The following PCSK2 variants were observed in gnomAD, a reference collection of about 807,000 sequenced individuals.
The protein encoded by PCSK2 is neuroendocrine convertase 2.
A neutral mutation model predicts 69.7 loss-of-function variants in PCSK2; 14 were observed. That is an observed-to-expected ratio of 0.20 (90% CI 0.13 to 0.31). PCSK2 has a LOEUF of 0.31. PCSK2 is among the 10% of genes least tolerant of loss of function. The probability of loss-of-function intolerance (pLI) is 1.00; values close to 1 mark genes in which losing one functional copy is unlikely to be tolerated. For missense variants in PCSK2, 544 were observed against 842.5 expected, an observed-to-expected ratio of 0.65 and a Z score of 4.39; for synonymous variants, 307 against 320.7, an observed-to-expected ratio of 0.96 and a Z score of 0.46.
chr20:17,430,390 TG>T (rs1394575460), intron 7 of PCSK2, among the ~76,000 whole-genome samples: 1 of 152,234 alleles, frequency 6.6e-6, no homozygotes, highest in African/African-American at 2.4e-5. Context: ...TTTTCTTTTT[TG>T]TTTACAACTG....
chr20:17,464,912 T>G, intron 10 of PCSK2: 1 of 258,950 alleles, frequency 3.9e-6, no homozygotes. Context: ...GGAAAAGAAT[T>G]TCCAGGCCAT....
At chr20:17,388,278 G>A (rs748965090) in intron 5 of PCSK2, among the ~76,000 whole-genome samples, 1 of 152,106 alleles carries the variant, frequency 6.6e-6, no homozygotes, top group African/African-American at 2.4e-5. Context: ...CAGGGAGGGG[G>A]AATAACATGC....
chr20:17,383,035 G>T (rs145997653), intron 5 of PCSK2, among the ~76,000 whole-genome samples: 91 of 152,260 alleles, frequency 6.0e-4, no homozygotes, highest in Non-Finnish European at 1.2e-3. Flanking sequence ...TAGAATGTCA[G>T]CCCCAGGAGG....
At position 17,246,516 on chromosome 20, in the gene PCSK2, G is replaced by A. The variant is rs78053606; in HGVS notation, c.178-13724G>A. Among the ~76,000 whole-genome samples the A allele has an allele frequency of 4.2e-3, 642 of 152,048 alleles. 3 individuals carry two copies. Among genetic ancestry groups the A allele is most frequent in the Admixed American group, 8.8e-3 (135 of 15,268 alleles). On this transcript the variant is annotated intron_variant, in intron 1 of 11. Transcript: ENST00000262545. Reference sequence around the variant, plus strand: ...AAAAAGGAGAATGTAAGTCACAAACGTAAAAAGGAGAATGTAAAAGTATGA... The same window carrying A: ...AAAAAGGAGAATGTAAGTCACAAACATAAAAAGGAGAATGTAAAAGTATGA...
chr20:17,379,996 G>C (rs1247042103), intron 5 of PCSK2, among the ~76,000 whole-genome samples: 1 of 152,168 alleles, frequency 6.6e-6, no homozygotes, highest in Admixed American at 6.5e-5. Context: ...CTCCCTGGGA[G>C]CTGAGGCCTC....
rs1292998312 is a variant in PCSK2 at position 17,402,834 on chromosome 20, G to A, written c.544-6429G>A. ...TAGCCAGGCGTGGTGGTGGGCTCCT[G>A]TAGTCCCAGCTACTCGGGAGGCTGA... On this transcript the variant is annotated intron_variant, in intron 5 of 11. Coordinates refer to ENST00000262545, the MANE Select transcript of PCSK2 (RefSeq NM_002594.5). Among the ~76,000 whole-genome samples, 9 of 152,196 alleles carry A rather than the reference G, an allele frequency of 5.9e-5. No homozygotes were observed. The East Asian group carries it at 1.7e-3, about 29-fold the overall frequency.
At chr20:17,287,431 C>CTGTGGGTGTGTGTG (rs1988552352) in intron 2 of PCSK2, among the ~76,000 whole-genome samples, 1 of 145,928 alleles carries the variant, frequency 6.9e-6, no homozygotes, top group African/African-American at 2.5e-5. Context: ...ATGTGCGTGT[C>CTGTGGGTGTGTGTG]TGTGTGTGTG....
chr20:17,364,691 A>G (rs2030532117), intron 4 of PCSK2, among the ~76,000 whole-genome samples: 1 of 151,988 alleles, frequency 6.6e-6, no homozygotes, highest in African/African-American at 2.4e-5. Context: ...ACCATATCCA[A>G]CCCCAACACT....
chr20:17,287,384 A>G (rs1329307567), intron 2 of PCSK2, among the ~76,000 whole-genome samples: 1 of 149,794 alleles, frequency 6.7e-6, no homozygotes, highest in Non-Finnish European at 1.5e-5. Flanking sequence ...ATATTTATTC[A>G]TGAGGTCGGG....
chr20:17,396,017 C>G (rs557700637), intron 5 of PCSK2, among the ~76,000 whole-genome samples: 2 of 152,278 alleles, frequency 1.3e-5, no homozygotes, highest in African/African-American at 4.8e-5. Flanking sequence ...CATTCAAAGG[C>G]AAGCAGAACT....
chr20:17,342,699 T>C (rs1257946796), intron 2 of PCSK2, among the ~76,000 whole-genome samples: 2 of 152,014 alleles, frequency 1.3e-5, no homozygotes, highest in East Asian at 3.9e-4. Flanking sequence ...AGTGGCACGA[T>C]CATGGCTCAC....
chr20:17,449,491 C>A (rs1458068054), intron 8 of PCSK2, among the ~76,000 whole-genome samples: 2 of 85,230 alleles, frequency 2.3e-5, no homozygotes, highest in Non-Finnish European at 5.5e-5. Flanking sequence ...GATAATGTTA[C>A]ATATATATAA....
At chr20:17,348,126 AAAAG>A (rs1482400207) in intron 2 of PCSK2, among the ~76,000 whole-genome samples, 29 of 152,096 alleles carry the variant, frequency 1.9e-4, no homozygotes, top group African/African-American at 5.1e-4. Flanking sequence ...AGAGAGAGAG[AAAAG>A]AAAGAAAGAA....
intron 8 of PCSK2, among the ~76,000 whole-genome samples, chr20:17,442,709 C>T (rs982743942): frequency 1.1e-4 from 17 of 152,204 alleles, no homozygotes; most frequent in Admixed American, 9.2e-4. Flanking sequence ...TGCTGAAATG[C>T]TCCCAATAAC....
At chr20:17,458,738 A>G (rs1262487687) in intron 10 of PCSK2, among the ~76,000 whole-genome samples, 2 of 152,192 alleles carry the variant, frequency 1.3e-5, no homozygotes, top group Non-Finnish European at 2.9e-5. Context: ...TAGGGGAGAA[A>G]AAGAAAACCA....
At chr20:17,445,542 G>A (rs181350444) in intron 8 of PCSK2, among the ~76,000 whole-genome samples, 1 of 152,312 alleles carries the variant, frequency 6.6e-6, no homozygotes, top group East Asian at 1.9e-4. Flanking sequence ...GTATGGACAG[G>A]GACCACTTAC....
intron 6 of PCSK2, among the ~76,000 whole-genome samples, chr20:17,418,786 C>T (rs1212642403): frequency 6.6e-6 from 1 of 152,114 alleles, no homozygotes; most frequent in Non-Finnish European, 1.5e-5. Context: ...AATCCGATGC[C>T]CCATCTCTGT....
intron 2 of PCSK2, among the ~76,000 whole-genome samples, chr20:17,285,895 T>C (rs1988496373): frequency 6.6e-6 from 1 of 152,206 alleles, no homozygotes; most frequent in South Asian, 2.1e-4. Context: ...AAAGGACATT[T>C]GAAGAAAAAT....
intron 5 of PCSK2, among the ~76,000 whole-genome samples, chr20:17,391,736 A>T (rs560858568): frequency 1.3e-5 from 2 of 152,040 alleles, no homozygotes; most frequent in Non-Finnish European, 2.9e-5. Context: ...GTATGGTGAC[A>T]TATGGGTGCC....
Sources: allele counts gnomAD v4.1 joint callset (sites outside exome capture counted in the v4.1 genomes callset), GRCh38; gene constraint gnomAD v4.1.1; transcripts MANE v1.5; gene names NCBI Gene and HGNC (gene_info 2026-07-23, HGNC 2026-07-21).